Variants in FGF12 observed in about 807,000 individuals in gnomAD.
FGF12 encodes fibroblast growth factor 12B.
A neutral mutation model predicts 23.6 loss-of-function variants in FGF12; 14 were observed. The ratio of observed to expected loss-of-function variants is 0.59; its 90% confidence interval spans 0.39 to 0.93. The LOEUF (loss-of-function observed/expected upper bound fraction) is 0.93, where lower values mean the gene tolerates loss of function less well. FGF12 is among the 40% of genes least tolerant of loss of function. FGF12 has a pLI of 0.00. For synonymous variants in FGF12, 62 were observed against 77.3 expected (o/e 0.80, Z 1.04); for missense variants, 175 against 217.8 (o/e 0.80, Z 1.24).
At chr3:192,229,962 T>C (rs1400243533) in intron 4 of FGF12, among the ~76,000 whole-genome samples, 3 of 113,290 alleles carry the variant, frequency 2.6e-5, no homozygotes, top group African/African-American at 1.1e-4. Flanking sequence ...ATACATTATG[T>C]GAGAAAGATG....
intron 2 of FGF12, among the ~76,000 whole-genome samples, chr3:192,714,574 A>G (rs984418951): frequency 7.6e-6 from 1 of 131,678 alleles, no homozygotes; most frequent in Non-Finnish European, 1.5e-5. Flanking sequence ...GCTGGAGTGC[A>G]GCGGCGCAAT....
intron 2 of FGF12, among the ~76,000 whole-genome samples, chr3:192,402,539 C>T (rs190091681): frequency 2.6e-4 from 40 of 152,156 alleles, no homozygotes; most frequent in Non-Finnish European, 5.4e-4. Context: ...GCTTCCTAAC[C>T]CTCAGTGTGG....
chr3:192,215,006 G>C (rs1718117945), intron 4 of FGF12, among the ~76,000 whole-genome samples: 1 of 152,174 alleles, frequency 6.6e-6, no homozygotes, highest in South Asian at 2.1e-4. Flanking sequence ...GCTTAAGAGA[G>C]CTGCCTTACA....
chr3:192,449,076 G>A (rs756919131), intron 2 of FGF12, among the ~76,000 whole-genome samples: 7 of 152,250 alleles, frequency 4.6e-5, no homozygotes, highest in Admixed American at 3.3e-4. Context: ...CAGTCCTTCC[G>A]ATACCTGCGG....
chr3:192,708,608 AAAG>A (rs1440535018), intron 2 of FGF12, among the ~76,000 whole-genome samples: 2 of 152,170 alleles, frequency 1.3e-5, no homozygotes, highest in African/African-American at 4.8e-5. Flanking sequence ...CTGAAATTAC[AAAG>A]AAGAAGACAG....
intron 2 of FGF12, among the ~76,000 whole-genome samples, chr3:192,589,935 T>C (rs183001673): frequency 6.6e-6 from 1 of 152,082 alleles, no homozygotes; most frequent in African/African-American, 2.4e-5. Context: ...GTTCAGCACC[T>C]GTGAGAGAAA....
intron 2 of FGF12, among the ~76,000 whole-genome samples, chr3:192,543,211 C>G (rs73887616): frequency 6.6e-6 from 1 of 152,058 alleles, no homozygotes; most frequent in East Asian, 1.9e-4. Flanking sequence ...AGCTGGCACC[C>G]AAGCCACAAG....
At position 192,263,535 on chromosome 3, in the gene FGF12, TA is replaced by T. The variant is rs977216076; in HGVS notation, c.228+71825del. Among the ~76,000 whole-genome samples, 15 of 115,732 alleles carry T rather than the reference TA, an allele frequency of 1.3e-4. 1 individual carries two copies. In the South Asian group the frequency reaches 2.6e-3, roughly 20 times the overall value. 75.9% of individuals were successfully genotyped at this position (115,732 alleles called of 152,430 possible). On this transcript the variant is annotated intron_variant, in intron 4 of 5. Transcript: ENST00000445105. ...ATCATCTGGTGTTGTTTTAAAAAAA[TA>T]AAAAAAAAGAGGGAAAAAAAAAAAA...
intron 5 of FGF12, among the ~76,000 whole-genome samples, chr3:192,158,332 C>CTCTCTCTT (rs1553844038): frequency 2.8e-4 from 31 of 112,444 alleles, no homozygotes; most frequent in Middle Eastern, 4.3e-3. Flanking sequence ...TTCTTTCTTT[C>CTCTCTCTT]TCTTTCTTTC....
intron 2 of FGF12, among the ~76,000 whole-genome samples, chr3:192,724,778 G>T (rs1223753985): frequency 6.6e-6 from 1 of 152,126 alleles, no homozygotes; most frequent in African/African-American, 2.4e-5. Flanking sequence ...CAACTTTCTG[G>T]ATGCTGGACA....
chr3:192,377,586 A>T (rs1719580118), intron 2 of FGF12, among the ~76,000 whole-genome samples: 1 of 152,196 alleles, frequency 6.6e-6, no homozygotes, highest in Non-Finnish European at 1.5e-5. Context: ...TTATGGGGGT[A>T]ACATTAAAAC....
intron 2 of FGF12, among the ~76,000 whole-genome samples, chr3:192,440,500 T>C (rs1378297556): frequency 6.6e-6 from 1 of 152,170 alleles, no homozygotes; most frequent in Non-Finnish European, 1.5e-5. Flanking sequence ...TGTGATACCA[T>C]CCACGGAATG....
At chr3:192,314,432 T>C (rs1414435257) in intron 4 of FGF12, among the ~76,000 whole-genome samples, 1 of 152,202 alleles carries the variant, frequency 6.6e-6, no homozygotes, top group African/African-American at 2.4e-5. Flanking sequence ...TTAGCTTTCC[T>C]GATAAAGGCA....
chr3:192,424,161 C>G (rs781185085), intron 2 of FGF12, among the ~76,000 whole-genome samples: 1 of 152,008 alleles, frequency 6.6e-6, no homozygotes, highest in Non-Finnish European at 1.5e-5. Context: ...TCTTCACTGG[C>G]CACTTCCCCA....
intron 2 of FGF12, among the ~76,000 whole-genome samples, chr3:192,510,728 T>C (rs191348167): frequency 6.6e-6 from 1 of 152,344 alleles, no homozygotes; most frequent in African/African-American, 2.4e-5. Flanking sequence ...CAAGATGTTC[T>C]TTAGTGGGTG....
At chr3:192,539,636 T>C (rs1725316584) in intron 2 of FGF12, among the ~76,000 whole-genome samples, 1 of 152,180 alleles carries the variant, frequency 6.6e-6, no homozygotes, top group South Asian at 2.1e-4. Flanking sequence ...TTTGTCTGGT[T>C]TTGGTATCAG....
At chr3:192,711,509 G>A (rs540423735) in intron 2 of FGF12, among the ~76,000 whole-genome samples, 1 of 152,188 alleles carries the variant, frequency 6.6e-6, no homozygotes. Context: ...ATAGAAAAGG[G>A]GGAAATGTGG....
chr3:192,568,930 G>C (rs1056959461), intron 2 of FGF12, among the ~76,000 whole-genome samples: 1 of 152,082 alleles, frequency 6.6e-6, no homozygotes, highest in Non-Finnish European at 1.5e-5. Context: ...ACCAACTTAA[G>C]GGTGTCCTTC....
At chr3:192,307,769 T>C (rs768313446) in intron 4 of FGF12, among the ~76,000 whole-genome samples, 2 of 152,198 alleles carry the variant, frequency 1.3e-5, no homozygotes, top group Admixed American at 6.5e-5. Context: ...ATCATGCCTC[T>C]TTGGGGAATG....
Sources: gnomAD v4.1 joint callset for allele counts (sites outside exome capture counted in the v4.1 genomes callset) on GRCh38, gnomAD v4.1.1 for gene constraint, MANE v1.5 for transcripts, NCBI Gene and HGNC (gene_info 2026-07-23, HGNC 2026-07-21) for gene names.